TTLL11: variants seen among roughly 807,000 people sequenced by gnomAD.
The protein encoded by TTLL11 is tubulin polyglutamylase TTLL11.
A neutral mutation model predicts 51.7 loss-of-function variants in TTLL11; 42 were observed. The ratio of observed to expected loss-of-function variants is 0.81; its 90% CI spans 0.64 to 1.05. The LOEUF (loss-of-function observed/expected upper bound fraction) is 1.05, where lower values mean the gene tolerates loss of function less well. Ranked by LOEUF, TTLL11 falls within the 50% of genes least tolerant of loss-of-function variation. TTLL11 has a pLI of 0.00. For synonymous variants in TTLL11, 381 were observed against 383.5 expected (o/e 0.99, Z 0.08); for missense variants, 799 against 940.4 (o/e 0.85, Z 1.97).
rs1355211367 is a variant in TTLL11, at chr9:121,819,684, G to A, written c.*2903C>T. Among the ~76,000 whole-genome samples the A allele has an allele frequency of 6.6e-6, 1 of 152,090 alleles. No individual in the cohort carries two copies. Among genetic ancestry groups the A allele is most frequent in the African/African-American group, 2.4e-5 (1 of 41,412 alleles). ...CGCTTGCAGGGATGGGGCTTATCCT[G>A]CAGCAAAGCACAGGGGCTGCCCAGC... On this transcript the variant is annotated 3_prime_UTR_variant, in exon 9 of 9. Transcript: ENST00000321582.
chr9:122,050,142 T>C (rs758101435), intron 1 of TTLL11, among the ~76,000 whole-genome samples: 9 of 152,016 alleles, frequency 5.9e-5, no homozygotes, highest in Admixed American at 5.2e-4. Context: ...AGAAAAACAA[T>C]AGTAATAAAA....
chr9:122,062,562 G>A (rs560083477), intron 1 of TTLL11, among the ~76,000 whole-genome samples: 7 of 132,452 alleles, frequency 5.3e-5, no homozygotes, highest in African/African-American at 1.2e-4. Flanking sequence ...TCCATTTCCC[G>A]GGTTCAAGCA....
chr9:121,822,647 G>T lies in TTLL11; in HGVS notation c.2073C>A (p.Asn691Lys). 3 of 1,522,008 alleles carry T rather than the reference G, an allele frequency of 2.0e-6. No individual in the cohort carries two copies. The highest frequency in any genetic ancestry group is 2.5e-5 in the East Asian group (1 of 40,606). The allele number at this position is 1,522,008 out of a possible 1,614,324, so 94.3% of individuals were successfully genotyped here. Residue 691 changes from asparagine (N) to lysine (K), a missense_variant, in exon 9 of 9, where the codon AAC (asparagine) becomes AAA (lysine). Physicochemically the swap from Asn to Lys is moderately conservative, Grantham distance 94 (BLOSUM62 0). Coordinates refer to ENST00000321582, the MANE Select transcript of TTLL11 (RefSeq NM_001139442.2). This position sits in a 1 kb window ranked among gnomAD's most constrained non-coding sequence, Gnocchi z 5.8. ...TGGCACAGCTGGTGCGGGGTGGGGG[G>T]TTGTCCCCTGCTGGCTGGGCCGAGG... Reference protein sequence around the residue: ...PSPSAQPAGDNPPPRTSCANK... With the variant: ...PSPSAQPAGDKPPPRTSCANK...
In TTLL11 at chr9:121,820,695, T is replaced by C. The variant is rs1836550866; in HGVS notation, c.*1892A>G. On this transcript the variant is annotated 3_prime_UTR_variant, in exon 9 of 9. Coordinates refer to ENST00000321582, the MANE Select transcript of TTLL11 (RefSeq NM_001139442.2). ...GAGCAGCATTACAGACCTGCCCTAC[T>C]ACCTGGGGAACTGAGCCGATGACAC... Among the ~76,000 whole-genome samples, 1 of 152,118 alleles carries C rather than the reference T, an allele frequency of 6.6e-6. No homozygotes were observed. Among genetic ancestry groups the C allele is most frequent in the South Asian group, 2.1e-4 (1 of 4,812 alleles).
Position 121,815,909 on chromosome 9 carries a change from G to A in TTLL11, c.*6678C>T, listed in dbSNP as rs1460304419. 1 of 152,228 alleles carries A rather than the reference G, an allele frequency of 6.6e-6. No individual in the cohort carries two copies. The highest frequency in any genetic ancestry group is 2.4e-5 in the African/African-American group (1 of 41,454). The allele number at this position is 152,228 out of a possible 1,614,324, so 9.4% of individuals were successfully genotyped here. On this transcript the variant is annotated 3_prime_UTR_variant, in exon 9 of 9. Transcript: ENST00000321582. ...CGTGGGGCCTCTCACCAGACCTCCA[G>A]GAGCCTCCGCTGTCAGGGGCGTGGA... is the stretch of plus-strand genomic sequence containing the variant.
chr9:121,978,625 TAA>T (rs1842766470), intron 4 of TTLL11, among the ~76,000 whole-genome samples: 1 of 152,130 alleles, frequency 6.6e-6, no homozygotes. Flanking sequence ...CCTCCCCAAG[TAA>T]TTAAATCAGC....
intron 6 of TTLL11, among the ~76,000 whole-genome samples, chr9:121,872,852 T>C (rs968680020): frequency 3.3e-5 from 5 of 152,232 alleles, no homozygotes; most frequent in Non-Finnish European, 7.3e-5. Flanking sequence ...TCCTGACTCC[T>C]TGGGAGAGGC....
At chr9:122,081,760 G>A (rs541899964) in intron 1 of TTLL11, among the ~76,000 whole-genome samples, 3 of 152,278 alleles carry the variant, frequency 2.0e-5, no homozygotes, top group Non-Finnish European at 4.4e-5. Flanking sequence ...TGTGGATCAT[G>A]CAAGGCAAAT....
intron 7 of TTLL11, among the ~76,000 whole-genome samples, chr9:121,862,774 C>G (rs1289662245): frequency 6.6e-6 from 1 of 152,248 alleles, no homozygotes; most frequent in African/African-American, 2.4e-5. Flanking sequence ...ATGCCGCTTT[C>G]AACTTTTCAA....
chr9:121,956,238 G>A (rs1176477616), intron 6 of TTLL11, among the ~76,000 whole-genome samples: 1 of 151,184 alleles, frequency 6.6e-6, no homozygotes, highest in African/African-American at 2.5e-5. Flanking sequence ...CCAGCTGGAA[G>A]AGCATGAAAG....
intron 1 of TTLL11, among the ~76,000 whole-genome samples, chr9:122,068,976 T>C (rs1293580822): frequency 6.6e-6 from 1 of 152,094 alleles, no homozygotes; most frequent in Non-Finnish European, 1.5e-5. Context: ...GATGGACGGA[T>C]CTTGCGCCCC....
chr9:121,857,526 G>A (rs1316439395), intron 8 of TTLL11, among the ~76,000 whole-genome samples: 1 of 152,206 alleles, frequency 6.6e-6, no homozygotes, highest in Non-Finnish European at 1.5e-5. Flanking sequence ...GTGAGAATTT[G>A]CAGCGATATA....
chr9:122,000,839 C>T (rs1194598946), intron 3 of TTLL11, among the ~76,000 whole-genome samples: 1 of 152,150 alleles, frequency 6.6e-6, no homozygotes, highest in African/African-American at 2.4e-5. Flanking sequence ...CTTTCTTGCA[C>T]GAGATACAAG....
At chr9:121,945,511 A>C (rs1018360555) in intron 6 of TTLL11, among the ~76,000 whole-genome samples, 3 of 152,194 alleles carry the variant, frequency 2.0e-5, no homozygotes, top group African/African-American at 7.2e-5. Context: ...TTCCTCCTCT[A>C]AAGTGTCCAC....
At chr9:122,049,476 T>C (rs749147168) in intron 1 of TTLL11, among the ~76,000 whole-genome samples, 2 of 152,130 alleles carry the variant, frequency 1.3e-5, no homozygotes, top group Non-Finnish European at 2.9e-5. Context: ...AGATGTCTTT[T>C]TGGAGACTGC....
At chr9:122,083,956 A>G (rs1846058563) in intron 1 of TTLL11, among the ~76,000 whole-genome samples, 1 of 152,220 alleles carries the variant, frequency 6.6e-6, no homozygotes. Context: ...GCTTGGGAAC[A>G]GTGTAAATTT....
intron 1 of TTLL11, among the ~76,000 whole-genome samples, chr9:122,090,268 T>C (rs1014203134): frequency 2.6e-5 from 4 of 152,236 alleles, no homozygotes; most frequent in African/African-American, 7.2e-5. Flanking sequence ...AGGGTTTAAC[T>C]GACTTGCCCT....
At chr9:122,061,840 A>C (rs1460967690) in intron 1 of TTLL11, among the ~76,000 whole-genome samples, 16 of 151,850 alleles carry the variant, frequency 1.1e-4, no homozygotes, top group African/African-American at 3.9e-4. Flanking sequence ...GTTTCACCAC[A>C]TTGGCCAGGC....
intron 6 of TTLL11, among the ~76,000 whole-genome samples, chr9:121,961,410 C>T (rs1433575792): frequency 3.3e-5 from 5 of 151,216 alleles, no homozygotes; most frequent in African/African-American, 9.8e-5. Flanking sequence ...ACTGAAAACT[C>T]CCTTTTATGG....
Sources: allele counts gnomAD v4.1 joint callset (sites outside exome capture counted in the v4.1 genomes callset), GRCh38; gene constraint gnomAD v4.1.1; non-coding constraint Gnocchi (gnomAD v3.1); transcripts MANE v1.5; gene names NCBI Gene and HGNC (gene_info 2026-07-23, HGNC 2026-07-21).